The following STK32A variants were observed in gnomAD, a reference collection of about 807,000 sequenced individuals.
The protein encoded by STK32A is serine/threonine-protein kinase 32A.
In STK32A, 41 loss-of-function variants were observed where a neutral mutation model predicts 53.2. The observed-to-expected ratio is 0.77, with a 90% confidence interval of 0.60 to 1.00. STK32A has a LOEUF of 1.00. Among genes scored for constraint, STK32A ranks in the 50% least tolerant of loss-of-function variants. The probability of loss-of-function intolerance (pLI) is 0.00; values close to 1 mark genes in which losing one functional copy is unlikely to be tolerated. For synonymous variants in STK32A, 166 were observed against 162.8 expected (o/e 1.02, Z -0.15); for missense variants, 458 against 485.8 (o/e 0.94, Z 0.54).
chr5:147,286,787 TC>T (rs1045284429), intron 4 of STK32A, among the ~76,000 whole-genome samples: 1 of 152,166 alleles, frequency 6.6e-6, no homozygotes, highest in African/African-American at 2.4e-5. Flanking sequence ...TTGTCACAGT[TC>T]CCCTTGTCCT....
intron 12 of STK32A, 67 bp downstream of exon 12, chr5:147,383,572 A>G: frequency 1.7e-6 from 2 of 1,198,834 alleles, no homozygotes; most frequent in East Asian, 5.2e-5. Context: ...CTTTACTTGC[A>G]GAGAAAATAT....
At position 147,277,936 on chromosome 5, in the gene STK32A, C is replaced by G. The variant is rs75926181; in HGVS notation, c.53-188C>G. Among the ~76,000 whole-genome samples the G allele has an allele frequency of 0.049, 7,529 of 152,228 alleles. 253 individuals are homozygous for G. The highest frequency in any genetic ancestry group is 0.085 in the South Asian group (408 of 4,810). On this transcript the variant is annotated intron_variant, in intron 2 of 12. Transcript: ENST00000397936. ...CTCTATTATTACTGTATTCCCAGCA[C>G]TAAGCACTAGGATTAATACATAGTA...
At chr5:147,343,314 C>T in intron 6 of STK32A, 1 of 627,590 alleles carries the variant, frequency 1.6e-6, no homozygotes, top group South Asian at 1.5e-5. Context: ...TCAAGAAAAC[C>T]ATCACAACTT....
At chr5:147,280,874 A>G (rs1752033152) in intron 4 of STK32A, among the ~76,000 whole-genome samples, 1 of 152,322 alleles carries the variant, frequency 6.6e-6, no homozygotes, top group African/African-American at 2.4e-5. Flanking sequence ...GAACCCTTAC[A>G]GAGTCCATTG....
At chr5:147,267,627 C>T (rs1754863432) in intron 2 of STK32A, among the ~76,000 whole-genome samples, 1 of 152,118 alleles carries the variant, frequency 6.6e-6, no homozygotes, top group South Asian at 2.1e-4. Context: ...AGATGTGGCA[C>T]AGTGCAGGTA....
intron 8 of STK32A, among the ~76,000 whole-genome samples, chr5:147,368,072 A>G (rs1288266849): frequency 6.6e-6 from 1 of 152,250 alleles, no homozygotes; most frequent in East Asian, 1.9e-4. Context: ...GTTTGGTTTC[A>G]GTCTTAATGA....
chr5:147,363,227 G>A (rs1448359957), intron 8 of STK32A, among the ~76,000 whole-genome samples: 1 of 152,136 alleles, frequency 6.6e-6, no homozygotes, highest in Non-Finnish European at 1.5e-5. Context: ...AGGGGCATCA[G>A]CTCCTAAACA....
chr5:147,377,532 T>C (rs1218818208), intron 11 of STK32A, among the ~76,000 whole-genome samples: 3 of 152,164 alleles, frequency 2.0e-5, no homozygotes, highest in African/African-American at 7.2e-5. Flanking sequence ...AATATGATAA[T>C]GTGGTAACTC....
chr5:147,348,256 C>T (rs1478160708), intron 6 of STK32A, among the ~76,000 whole-genome samples: 1 of 152,172 alleles, frequency 6.6e-6, no homozygotes, highest in Non-Finnish European at 1.5e-5. Context: ...GTGTAAACAG[C>T]ATTTAAAAGG....
At chr5:147,390,386 T>G (rs1466024821), downstream of STK32A, among the ~76,000 whole-genome samples, 2 of 151,570 alleles carry the variant, frequency 1.3e-5, no homozygotes, top group African/African-American at 4.9e-5. Flanking sequence ...TTGGTATGGG[T>G]GTAATTTGAG....
Position 147,343,221 on chromosome 5 carries a change from C to A in STK32A, c.472+178C>A, listed in dbSNP as rs934827392. On this transcript the variant is annotated intron_variant, in intron 6 of 12. Transcript: ENST00000397936. ...TTATTACTTATGGCAGGTTATAGTA[C>A]AACAATACACCCTTAAATCACATTG... 3.9e-6 allele frequency: 3 copies of A among 770,368 alleles called. No homozygotes were observed. In the African/African-American group the frequency reaches 5.1e-5, roughly 13 times the overall value. The allele number at this position is 770,368 out of a possible 1,614,324, so 47.7% of individuals were successfully genotyped here. A position where few individuals can be genotyped will look rare whatever the true frequency, so the allele number is the denominator to read the frequency against.
chr5:147,326,389 G>A (rs1754589910), intron 5 of STK32A, among the ~76,000 whole-genome samples: 1 of 152,140 alleles, frequency 6.6e-6, no homozygotes, highest in Non-Finnish European at 1.5e-5. Flanking sequence ...TTAAATTGAG[G>A]TGACATCCTT....
intron 2 of STK32A, among the ~76,000 whole-genome samples, chr5:147,249,513 CA>C (rs988208630): frequency 1.6e-4 from 25 of 151,986 alleles, no homozygotes; most frequent in African/African-American, 6.0e-4. Flanking sequence ...GGGTGGGAGG[CA>C]GAGACCGAAT....
chr5:147,373,988 G>A (rs137856374), intron 10 of STK32A, among the ~76,000 whole-genome samples: 11 of 152,262 alleles, frequency 7.2e-5, no homozygotes, highest in African/African-American at 2.4e-4. Flanking sequence ...AAAGGGGCCT[G>A]TAGAACCAAT....
chr5:147,379,405 G>C (rs1432839), intron 11 of STK32A, among the ~76,000 whole-genome samples: 11,370 of 151,736 alleles, frequency 0.075, 1,167 homozygotes, highest in African/African-American at 0.22. Flanking sequence ...GCATTTTTCG[G>C]GTGTCTCAGT....
intron 2 of STK32A, among the ~76,000 whole-genome samples, chr5:147,250,689 C>T (rs1400110738): frequency 6.6e-6 from 1 of 152,020 alleles, no homozygotes; most frequent in Non-Finnish European, 1.5e-5. Flanking sequence ...CGCCTGTAAT[C>T]CCAGCACTTT....
At chr5:147,370,920 G>A in intron 9 of STK32A, 150 bp downstream of exon 9, 1 of 467,900 alleles carries the variant, frequency 2.1e-6, no homozygotes, top group Non-Finnish European at 3.9e-6. Flanking sequence ...TCAAATACAT[G>A]GCTTCATTAA....
At chr5:147,327,309 T>C (rs1405578454) in intron 5 of STK32A, among the ~76,000 whole-genome samples, 1 of 152,224 alleles carries the variant, frequency 6.6e-6, no homozygotes, top group African/African-American at 2.4e-5. Flanking sequence ...CGATTCATGT[T>C]GTACTTGAAT....
At chr5:147,312,904 C>T (rs1324204138) in intron 4 of STK32A, among the ~76,000 whole-genome samples, 1 of 151,968 alleles carries the variant, frequency 6.6e-6, no homozygotes, top group African/African-American at 2.4e-5. Flanking sequence ...TCTATAATGA[C>T]ATTAGACTGC....
Sources: gnomAD v4.1 joint callset for allele counts (sites outside exome capture counted in the v4.1 genomes callset) on GRCh38, gnomAD v4.1.1 for gene constraint, MANE v1.5 for transcripts, NCBI Gene and HGNC (gene_info 2026-07-23, HGNC 2026-07-21) for gene names.